Variants in HDAC2 observed in about 807,000 individuals in gnomAD.
HDAC2 encodes histone deacetylase 2, also known as YY1-associated factor 1.
HDAC2 carries 5 observed loss-of-function variants against 68.5 expected under a neutral mutation model. The observed-to-expected ratio is 0.07, with a 90% confidence interval of 0.04 to 0.15. HDAC2 has a LOEUF of 0.15. Ranked by LOEUF, HDAC2 falls within the 10% of genes least tolerant of loss-of-function variation. The pLI is 1.00. For missense variants in HDAC2, 291 were observed against 600.8 expected, an observed-to-expected ratio of 0.48 and a Z score of 5.39; for synonymous variants, 182 against 191.3, an observed-to-expected ratio of 0.95 and a Z score of 0.40.
At chr6:113,945,747 GAA>G in intron 9 of HDAC2, among the ~76,000 whole-genome samples, 1 of 152,224 alleles carries the variant, frequency 6.6e-6, no homozygotes, top group Middle Eastern at 3.4e-3. Context: ...TACATTACAT[GAA>G]ATATTCAACG....
intron 5 of HDAC2, among the ~76,000 whole-genome samples, chr6:113,955,072 G>GT (rs1776516823): frequency 6.6e-6 from 1 of 152,132 alleles, no homozygotes; most frequent in Non-Finnish European, 1.5e-5. Flanking sequence ...TTTGTCTTCA[G>GT]TTTAAAACAT....
intron 6 of HDAC2, among the ~76,000 whole-genome samples, chr6:113,952,095 AG>A (rs1316899684): frequency 6.6e-6 from 1 of 152,334 alleles, no homozygotes; most frequent in East Asian, 1.9e-4. Context: ...TCAAACTTTA[AG>A]GTGAAGAATC....
At chr6:113,954,142 C>T (rs536375418) in intron 5 of HDAC2, among the ~76,000 whole-genome samples, 8 of 152,290 alleles carry the variant, frequency 5.3e-5, no homozygotes, top group East Asian at 3.9e-4. Flanking sequence ...CATGTCATGA[C>T]ATTTTGTTAC....
At chr6:113,949,790 T>TA (rs1776362206) in intron 6 of HDAC2, among the ~76,000 whole-genome samples, 1 of 152,122 alleles carries the variant, frequency 6.6e-6, no homozygotes, top group Non-Finnish European at 1.5e-5. Context: ...TTTGTTCTTT[T>TA]TTTTTTTTTG....
intron 12 of HDAC2, 152 bp downstream of exon 12, chr6:113,943,199 G>A (rs1776180648): frequency 1.7e-6 from 1 of 584,128 alleles, no homozygotes; most frequent in Non-Finnish European, 3.0e-6. Context: ...TAAGAGCTAA[G>A]TACCACTTAT....
intron 3 of HDAC2, among the ~76,000 whole-genome samples, chr6:113,957,698 G>A (rs1776590100): frequency 6.6e-6 from 1 of 152,004 alleles, no homozygotes; most frequent in South Asian, 2.1e-4. Flanking sequence ...ATGTTGGCCA[G>A]GCTGGTTTCG....
chr6:113,968,783 G>A (rs930755823), intron 1 of HDAC2: 2 of 152,166 alleles, frequency 1.3e-5, no homozygotes, highest in East Asian at 1.9e-4. Flanking sequence ...CCGGGTACCC[G>A]TGCCTGCTCC....
chr6:113,967,830 T>A (rs1407578531), intron 1 of HDAC2, among the ~76,000 whole-genome samples: 1 of 152,222 alleles, frequency 6.6e-6, no homozygotes, highest in African/African-American at 2.4e-5. Context: ...AGATTCTTGA[T>A]GATCTTCTAG....
At chr6:113,958,336 G>T in intron 3 of HDAC2, 1 of 198,926 alleles carries the variant, frequency 5.0e-6, no homozygotes. Context: ...GTGTAATCTT[G>T]TTTTTGTTTT....
At chr6:113,961,292 T>C (rs538780882) in intron 1 of HDAC2, among the ~76,000 whole-genome samples, 1 of 152,266 alleles carries the variant, frequency 6.6e-6, no homozygotes, top group East Asian at 1.9e-4. Flanking sequence ...TTTTGTCCTC[T>C]CTCCTACATA....
intron 1 of HDAC2, among the ~76,000 whole-genome samples, chr6:113,960,942 C>T (rs993364441): frequency 6.6e-6 from 1 of 152,026 alleles, no homozygotes; most frequent in Non-Finnish European, 1.5e-5. Context: ...AGTGTAACAA[C>T]TATTTACACT....
At position 113,966,592 on chromosome 6, in the gene HDAC2, A is replaced by T. The variant is rs974345820; in HGVS notation, c.52+4265T>A. ...AAAAAGTATAAGGAATTAATAATTT[A>T]TTCATCACTAATTAAAAAAAAAAGC... On this transcript the variant is annotated intron_variant, in intron 1 of 13. Transcript: ENST00000519065. 3.3e-4 allele frequency among the ~76,000 whole-genome samples: 50 copies of T among 151,624 alleles called. 1 individual carries two copies. The highest frequency in any genetic ancestry group is 7.1e-4 in the Non-Finnish European group (48 of 67,938).
chr6:113,955,639 T>C (rs1005024655), intron 5 of HDAC2, among the ~76,000 whole-genome samples: 1 of 152,126 alleles, frequency 6.6e-6, no homozygotes, highest in Non-Finnish European at 1.5e-5. Context: ...CTCAGCCTCC[T>C]GGGTAGTTGG....
chr6:113,944,248 G>C (rs1475984912), intron 11 of HDAC2, 32 bp downstream of exon 11: 1 of 1,580,380 alleles, frequency 6.3e-7, no homozygotes, highest in Non-Finnish European at 8.7e-7. Context: ...TTATCATTTT[G>C]ACAAATTGGA....
chr6:113,955,821 G>A (rs1776539962), intron 5 of HDAC2, 192 bp downstream of exon 5: 1 of 520,902 alleles, frequency 1.9e-6, no homozygotes, highest in African/African-American at 2.0e-5. Context: ...ACACTTCTAA[G>A]TCTTAATAAT....
chr6:113,964,600 G>A (rs939847100), intron 1 of HDAC2, among the ~76,000 whole-genome samples: 6 of 152,048 alleles, frequency 3.9e-5, no homozygotes, highest in Admixed American at 6.5e-5. Context: ...CTCTTCTCTC[G>A]GGAGTTAAGT....
At chr6:113,964,244 T>C (rs1776758153) in intron 1 of HDAC2, among the ~76,000 whole-genome samples, 1 of 151,150 alleles carries the variant, frequency 6.6e-6, no homozygotes, top group South Asian at 2.1e-4. Context: ...ATAAGTTGAC[T>C]GCAAAAAGAG....
intron 6 of HDAC2, 29 bp downstream of exon 6, chr6:113,953,248 A>G (rs1360652695): frequency 1.3e-6 from 2 of 1,567,572 alleles, no homozygotes; most frequent in Non-Finnish European, 1.7e-6. Context: ...TCATCTCACA[A>G]TATTTTTTCA....
rs975486179 is a variant in HDAC2 at position 113,935,379 on chromosome 6, G to A, written c.*5679C>T. ...GATAATGTGCTCTCTTTTACTTTAG[G>A]AATTGCCTGTCCGTACTTTCCTTTA... On this transcript the variant is annotated 3_prime_UTR_variant, in exon 14 of 14. Transcript: ENST00000519065. 1.3e-5 allele frequency: 2 copies of A among 152,084 alleles called. No individual in the cohort carries two copies. Among genetic ancestry groups the A allele is most frequent in the Admixed American group, 6.5e-5 (1 of 15,280 alleles). 9.4% of individuals were successfully genotyped at this position (152,084 alleles called of 1,614,324 possible).
Sources: gnomAD v4.1 joint callset for allele counts (sites outside exome capture counted in the v4.1 genomes callset) on GRCh38, gnomAD v4.1.1 for gene constraint, MANE v1.5 for transcripts, NCBI Gene and HGNC (gene_info 2026-07-23, HGNC 2026-07-21) for gene names.